ACVR1: variants seen among roughly 807,000 people sequenced by gnomAD.
The protein encoded by ACVR1 is activin receptor type-1.
ACVR1 carries 38 observed loss-of-function variants against 57.1 expected under a neutral mutation model. The observed-to-expected ratio is 0.67, with a 90% CI of 0.51 to 0.87. The LOEUF (loss-of-function observed/expected upper bound fraction) is 0.87. ACVR1 is among the 40% of genes least tolerant of loss of function. The probability of loss-of-function intolerance (pLI) is 0.00; values close to 1 mark genes in which losing one functional copy is unlikely to be tolerated. For synonymous variants in ACVR1, 212 were observed against 228.1 expected, an observed-to-expected ratio of 0.93 and a Z score of 0.63; for missense variants, 463 against 638.2, an observed-to-expected ratio of 0.73 and a Z score of 2.96.
At chr2:157,751,070 T>G (rs772039170) in intron 9 of ACVR1, among the ~76,000 whole-genome samples, 2 of 152,114 alleles carry the variant, frequency 1.3e-5, no homozygotes, top group African/African-American at 4.8e-5. Flanking sequence ...AACGGACCCT[T>G]TGAAGGAAGT....
At chr2:157,786,623 G>T (rs1470175071) in intron 3 of ACVR1, among the ~76,000 whole-genome samples, 3 of 152,140 alleles carry the variant, frequency 2.0e-5, no homozygotes, top group Admixed American at 1.3e-4. Flanking sequence ...TTGTTTGCTT[G>T]TTAATTTGTT....
Position 157,737,248 on chromosome 2 carries a change from C to T in ACVR1, c.*283G>A, listed in dbSNP as rs192640402. 37 of 508,402 alleles carry T rather than the reference C, an allele frequency of 7.3e-5. No homozygotes were observed. In the Admixed American group the frequency reaches 8.7e-4, roughly 12 times the overall value. 31.5% of individuals were successfully genotyped at this position (508,402 alleles called of 1,614,324 possible). ...AATGCCCAGATCTCTTTTAGGATTT[C>T]TCTGTGTTCCTCCAGTCCCTACCTT... On this transcript the variant is annotated 3_prime_UTR_variant, in exon 11 of 11. Coordinates refer to ENST00000434821, the MANE Select transcript of ACVR1 (RefSeq NM_001111067.4).
rs1684635666 is a variant in ACVR1 at position 157,738,707 on chromosome 2, G to A, written c.1265-137C>T. 3 of 1,295,770 alleles carry A rather than the reference G, an allele frequency of 2.3e-6. No homozygotes were observed. The African/African-American group carries it at 4.4e-5, about 19-fold the overall frequency. 80.3% of individuals were successfully genotyped at this position (1,295,770 alleles called of 1,614,324 possible). The stretch of plus-strand genomic sequence containing the variant: ...CTTCCTCATACCTCAGGGCAGTCCT[G>A]GAAGCTAGAGGTAGGTCCTAAAACA... On this transcript the variant is annotated intron_variant, in intron 9 of 10. Coordinates refer to ENST00000434821, the MANE Select transcript of ACVR1 (RefSeq NM_001111067.4).
chr2:157,781,646 A>G (rs1686529181), intron 3 of ACVR1, among the ~76,000 whole-genome samples: 1 of 152,268 alleles, frequency 6.6e-6, no homozygotes, highest in Non-Finnish European at 1.5e-5. Flanking sequence ...AGGGAGTTCA[A>G]GGTGCAATGG....
chr2:157,791,023 T>C (rs1343791386), intron 3 of ACVR1, among the ~76,000 whole-genome samples: 2 of 152,218 alleles, frequency 1.3e-5, no homozygotes, highest in African/African-American at 4.8e-5. Flanking sequence ...GCCTGCAATG[T>C]CCTTCTTAGT....
chr2:157,792,249 T>A lies in ACVR1; in HGVS notation c.67+7178A>T, dbSNP rs567498474. 5.3e-5 allele frequency among the ~76,000 whole-genome samples: 8 copies of A among 152,216 alleles called. No homozygotes were observed. In the South Asian group the frequency reaches 1.0e-3, roughly 20 times the overall value. On this transcript the variant is annotated intron_variant, in intron 3 of 10. Transcript: ENST00000434821. ...TCCTCCCCACATCCCATATACATAT[T>A]CTCAGCAAAGTCCATGTTCTGTTCT...
At position 157,836,087 on chromosome 2, in the gene ACVR1, A is replaced by G. The variant is rs556959752; in HGVS notation, c.-182-17528T>C. Among the ~76,000 whole-genome samples, 5 of 152,368 alleles carry G rather than the reference A, an allele frequency of 3.3e-5. No homozygotes were observed. The South Asian group carries it at 1.0e-3, about 32-fold the overall frequency. On this transcript the variant is annotated intron_variant, in intron 1 of 10. Transcript: ENST00000434821. Reference sequence around the variant, plus strand: ...ACGACCTGACATTTAGAAAAAGACAAGCTGGCACAGTAATGCATGCATGAC... The same window carrying G: ...ACGACCTGACATTTAGAAAAAGACAGGCTGGCACAGTAATGCATGCATGAC...
At chr2:157,768,892 C>T (rs544010259) in intron 7 of ACVR1, among the ~76,000 whole-genome samples, 2 of 152,142 alleles carry the variant, frequency 1.3e-5, no homozygotes, top group South Asian at 2.1e-4. Flanking sequence ...GTGGTTACCG[C>T]GTAGTAATGA....
At chr2:157,771,008 T>A (rs1034643594) in intron 6 of ACVR1, among the ~76,000 whole-genome samples, 2 of 152,222 alleles carry the variant, frequency 1.3e-5, no homozygotes. Flanking sequence ...AATTTAGATA[T>A]GCATTTTTTC....
chr2:157,738,395 A>G, intron 10 of ACVR1, 45 bp downstream of exon 10: 1 of 1,613,754 alleles, frequency 6.2e-7, no homozygotes, highest in Non-Finnish European at 8.5e-7. Flanking sequence ...AACAAATAGC[A>G]AACAATGGAA....
At chr2:157,738,042 C>T (rs1017862664) in intron 10 of ACVR1, among the ~76,000 whole-genome samples, 3 of 152,140 alleles carry the variant, frequency 2.0e-5, no homozygotes, top group Non-Finnish European at 4.4e-5. Context: ...AGTAGCAATA[C>T]AGGATCTTCA....
intron 2 of ACVR1, among the ~76,000 whole-genome samples, chr2:157,800,682 A>G (rs1472311286): frequency 6.6e-6 from 1 of 152,056 alleles, no homozygotes; most frequent in Non-Finnish European, 1.5e-5. Flanking sequence ...TTAAAAGCAT[A>G]TGAAACTTGA....
intron 2 of ACVR1, among the ~76,000 whole-genome samples, chr2:157,817,576 A>C (rs571563346): frequency 6.1e-4 from 93 of 152,308 alleles, no homozygotes; most frequent in African/African-American, 2.1e-3. Flanking sequence ...ATTGTAGTAC[A>C]TGTACTACTC....
chr2:157,764,812 A>T (rs531039308), intron 8 of ACVR1, among the ~76,000 whole-genome samples: 1 of 152,302 alleles, frequency 6.6e-6, no homozygotes, highest in East Asian at 1.9e-4. Context: ...CTTTAGGGCC[A>T]TGCTCTTTCA....
intron 1 of ACVR1, among the ~76,000 whole-genome samples, chr2:157,859,879 G>C (rs1197136582): frequency 6.6e-6 from 1 of 151,204 alleles, no homozygotes; most frequent in Non-Finnish European, 1.5e-5. Context: ...GTCGTTTTTT[G>C]TATTATAGAT....
At chr2:157,869,673 ATAAAG>A (rs1292251689) in intron 1 of ACVR1, among the ~76,000 whole-genome samples, 3 of 152,250 alleles carry the variant, frequency 2.0e-5, no homozygotes, top group African/African-American at 4.8e-5. Flanking sequence ...TTATGTTTAT[ATAAAG>A]TAATCTCTGC....
chr2:157,824,702 A>G (rs1688277972), intron 1 of ACVR1, among the ~76,000 whole-genome samples: 1 of 152,142 alleles, frequency 6.6e-6, no homozygotes, highest in South Asian at 2.1e-4. Flanking sequence ...ATTCCACAAA[A>G]GACAGACACA....
At chr2:157,797,317 C>A (rs1367396805) in intron 3 of ACVR1, among the ~76,000 whole-genome samples, 1 of 152,130 alleles carries the variant, frequency 6.6e-6, no homozygotes, top group South Asian at 2.1e-4. Context: ...GTTGGCTATA[C>A]TAACTTGTCA....
At chr2:157,840,495 A>G (rs984867453) in intron 1 of ACVR1, among the ~76,000 whole-genome samples, 1 of 152,150 alleles carries the variant, frequency 6.6e-6, no homozygotes, top group Non-Finnish European at 1.5e-5. Flanking sequence ...CTTCTAGTCC[A>G]TATACCTTAA....
Sources: allele counts gnomAD v4.1 joint callset (sites outside exome capture counted in the v4.1 genomes callset), GRCh38; gene constraint gnomAD v4.1.1; transcripts MANE v1.5; gene names NCBI Gene and HGNC (gene_info 2026-07-23, HGNC 2026-07-21).